The following CAMTA1 variants were observed in gnomAD, a reference collection of about 807,000 sequenced individuals.
CAMTA1 encodes the protein calmodulin binding transcription activator 1.
In CAMTA1, 27 loss-of-function variants were observed where a neutral mutation model predicts 170.9. The ratio of observed to expected loss-of-function variants is 0.16; its 90% confidence interval spans 0.12 to 0.22. The LOEUF (loss-of-function observed/expected upper bound fraction) is 0.22. CAMTA1 is among the 10% of genes least tolerant of loss of function. The pLI, the probability that CAMTA1 is intolerant of heterozygous loss-of-function variation, is 1.00. For synonymous variants in CAMTA1, 833 were observed against 891.5 expected, an observed-to-expected ratio of 0.93 and a Z score of 1.17; for missense variants, 1,619 against 2,217.2, an observed-to-expected ratio of 0.73 and a Z score of 5.42.
chr1:7,646,406 T>TG (rs570059006), intron 7 of CAMTA1, among the ~76,000 whole-genome samples: 1 of 132,956 alleles, frequency 7.5e-6, no homozygotes, highest in African/African-American at 2.9e-5. Context: ...CCCTGGTGAG[T>TG]TGGGTGGAGG....
intron 5 of CAMTA1, among the ~76,000 whole-genome samples, chr1:7,395,169 C>T (rs1461018017): frequency 1.3e-5 from 2 of 152,308 alleles, no homozygotes; most frequent in Non-Finnish European, 2.9e-5. Context: ...AGGCGTGAGC[C>T]ACCGCACCTG....
chr1:7,386,149 G>A (rs1253622114), intron 5 of CAMTA1, among the ~76,000 whole-genome samples: 2 of 152,264 alleles, frequency 1.3e-5, no homozygotes, highest in Non-Finnish European at 2.9e-5. Context: ...GCCATCTGTT[G>A]TCAGAAAGGT....
intron 1 of CAMTA1, among the ~76,000 whole-genome samples, chr1:6,789,222 G>T (rs1640312085): frequency 6.6e-6 from 1 of 151,062 alleles, no homozygotes; most frequent in Non-Finnish European, 1.5e-5. Context: ...GCTCTTACTT[G>T]CTCTTTGAGA....
At chr1:7,621,727 T>C (rs577646604) in intron 6 of CAMTA1, among the ~76,000 whole-genome samples, 4 of 152,264 alleles carry the variant, frequency 2.6e-5, no homozygotes, top group African/African-American at 9.6e-5. Context: ...TTCTGGAAGT[T>C]TCCTGGAAGA....
intron 5 of CAMTA1, among the ~76,000 whole-genome samples, chr1:7,464,662 C>A (rs574960373): frequency 1.1e-4 from 17 of 152,226 alleles, no homozygotes; most frequent in Non-Finnish European, 2.1e-4. Flanking sequence ...GTGCTTCCCT[C>A]GGCAAACCCT....
intron 1 of CAMTA1, among the ~76,000 whole-genome samples, chr1:6,818,572 A>G (rs757918062): frequency 1.1e-4 from 16 of 152,202 alleles, no homozygotes; most frequent in Non-Finnish European, 2.9e-5. Flanking sequence ...GAGGTAGTAC[A>G]GAGAGGTTGA....
intron 4 of CAMTA1, among the ~76,000 whole-genome samples, chr1:7,106,332 A>G (rs1274428702): frequency 6.6e-6 from 1 of 152,014 alleles, no homozygotes; most frequent in Non-Finnish European, 1.5e-5. Context: ...TGAGGAGGAA[A>G]TAGAGGAAGA....
In CAMTA1 at chr1:7,065,002, G is replaced by A. The variant is rs1216107124; in HGVS notation, c.235-26302G>A. ...AGCTTCAGTACCTAGGTCACCAGCAGTGTCATCTACCGAGAAGGCAAAGCC... is the reference window on the plus strand; with the variant it reads ...AGCTTCAGTACCTAGGTCACCAGCAATGTCATCTACCGAGAAGGCAAAGCC... On this transcript the variant is annotated intron_variant, in intron 3 of 22. Coordinates refer to ENST00000303635, the MANE Select transcript of CAMTA1 (RefSeq NM_015215.4). This position sits in a 1 kb window ranked among gnomAD's most constrained non-coding sequence, Gnocchi z 5.2. Among the ~76,000 whole-genome samples, 1 of 152,204 alleles carries A rather than the reference G, an allele frequency of 6.6e-6. No individual in the cohort carries two copies. Among genetic ancestry groups the A allele is most frequent in the East Asian group, 1.9e-4 (1 of 5,196 alleles).
At chr1:7,133,122 T>A (rs1289013904) in intron 4 of CAMTA1, among the ~76,000 whole-genome samples, 1 of 152,222 alleles carries the variant, frequency 6.6e-6, no homozygotes, top group Non-Finnish European at 1.5e-5. Context: ...GTGAAATGTT[T>A]CTTCCGCTCC....
At chr1:7,644,209 C>T (rs547711772) in intron 7 of CAMTA1, among the ~76,000 whole-genome samples, 2 of 152,316 alleles carry the variant, frequency 1.3e-5, no homozygotes, top group South Asian at 4.1e-4. Flanking sequence ...TCTCACCAGG[C>T]TGATTCAGAG....
At chr1:7,704,053 T>C (rs1287585917) in intron 11 of CAMTA1, among the ~76,000 whole-genome samples, 3 of 147,668 alleles carry the variant, frequency 2.0e-5, no homozygotes, top group South Asian at 4.3e-4. Flanking sequence ...CGCCCCGCCC[T>C]GGCCCTCCCC....
At chr1:7,578,424 C>T (rs1576191765) in intron 6 of CAMTA1, among the ~76,000 whole-genome samples, 1 of 152,192 alleles carries the variant, frequency 6.6e-6, no homozygotes, top group African/African-American at 2.4e-5. Context: ...CTCGGGAAGA[C>T]CCCTTGTTCC....
At chr1:7,042,110 CT>C (rs1294317638) in intron 3 of CAMTA1, among the ~76,000 whole-genome samples, 1 of 152,182 alleles carries the variant, frequency 6.6e-6, no homozygotes, top group Non-Finnish European at 1.5e-5. Context: ...CCCTGTTCAG[CT>C]TTGTTTTCCA....
intron 4 of CAMTA1, among the ~76,000 whole-genome samples, chr1:7,153,026 A>G (rs1023145636): frequency 3.3e-5 from 5 of 152,262 alleles, no homozygotes; most frequent in Non-Finnish European, 5.9e-5. Context: ...AGAAAACGCC[A>G]GAGCCTCGAG....
At chr1:7,047,236 G>C (rs1705536524) in intron 3 of CAMTA1, among the ~76,000 whole-genome samples, 1 of 152,184 alleles carries the variant, frequency 6.6e-6, no homozygotes, top group Admixed American at 6.5e-5. Context: ...AACTGTTAGG[G>C]TCAATTGTTA....
In CAMTA1 at chr1:7,547,826, T is replaced by TA. The variant is rs2094719018; in HGVS notation, c.510+79925_510+79926insA. Among the ~76,000 whole-genome samples the TA allele has an allele frequency of 6.7e-6, 1 of 148,510 alleles. No homozygotes were observed. Among genetic ancestry groups the TA allele is most frequent in the Non-Finnish European group, 1.5e-5 (1 of 66,502 alleles). On this transcript the variant is annotated intron_variant, in intron 6 of 22. Transcript: ENST00000303635. This position sits in a 1 kb window ranked among gnomAD's most constrained non-coding sequence, Gnocchi z 5.7. Reference sequence around the variant, plus strand: ...AGTCTCACATCTCTGCCACCCCATGTGGGCCCCCTCCAAACCCAGACTCTG... The same window carrying TA: ...AGTCTCACATCTCTGCCACCCCATGTAGGGCCCCCTCCAAACCCAGACTCTG...
chr1:7,688,626 G>A (rs2096278804), intron 11 of CAMTA1, among the ~76,000 whole-genome samples: 1 of 152,160 alleles, frequency 6.6e-6, no homozygotes, highest in Admixed American at 6.5e-5. Context: ...CTGAGGGGAT[G>A]TGAATTCCTA....
chr1:7,513,648 C>T (rs1006420435), intron 6 of CAMTA1, among the ~76,000 whole-genome samples: 5 of 152,236 alleles, frequency 3.3e-5, no homozygotes, highest in Non-Finnish European at 5.9e-5. Flanking sequence ...ACAGGCTGGG[C>T]GTGGTGGCTC....
intron 3 of CAMTA1, among the ~76,000 whole-genome samples, chr1:6,959,575 C>T (rs1015920250): frequency 2.6e-5 from 4 of 152,144 alleles, no homozygotes; most frequent in Non-Finnish European, 5.9e-5. Context: ...AGCCTCATCA[C>T]GGAGATGAGG....
Sources: allele counts gnomAD v4.1 joint callset (sites outside exome capture counted in the v4.1 genomes callset), GRCh38; gene constraint gnomAD v4.1.1; non-coding constraint Gnocchi (gnomAD v3.1); transcripts MANE v1.5; gene names NCBI Gene and HGNC (gene_info 2026-07-23, HGNC 2026-07-21).